Variants in NAA25 observed in about 807,000 individuals in gnomAD.
The protein encoded by NAA25 is N-alpha-acetyltransferase 25, NatB auxiliary subunit, also known as N-terminal acetyltransferase B complex subunit NAA25.
NAA25 carries 30 observed loss-of-function variants against 132.5 expected under a neutral mutation model. That is an observed-to-expected ratio of 0.23 (90% CI 0.17 to 0.31). The LOEUF (loss-of-function observed/expected upper bound fraction) is 0.31, where lower values mean the gene tolerates loss of function less well. NAA25 is among the 10% of genes least tolerant of loss of function. NAA25 has a pLI of 1.00. For synonymous variants in NAA25, 359 were observed against 401.9 expected (o/e 0.89, Z 1.28); for missense variants, 771 against 1,150.4 (o/e 0.67, Z 4.77).
chr12:112,090,070 A>C (rs2079109608), intron 3 of NAA25, among the ~76,000 whole-genome samples: 1 of 151,872 alleles, frequency 6.6e-6, no homozygotes, highest in African/African-American at 2.4e-5. Flanking sequence ...ACCTCAAATG[A>C]TCTGCCAGCC....
At position 112,093,119 on chromosome 12, in the gene NAA25, T is replaced by C. The variant is rs2079160575; in HGVS notation, c.76A>G (p.Asn26Asp). ...RPIYDYLDNG[N>D]NKMAIQQADK... ...GCTTGCTGAATTGCCATTTTATTATTACCATTGTCAAGATAATCTATGAAA... is the reference window on the plus strand; with the variant it reads ...GCTTGCTGAATTGCCATTTTATTATCACCATTGTCAAGATAATCTATGAAA... Residue 26 changes from asparagine to aspartate, a missense_variant, in exon 2 of 24, where the codon AAT (asparagine) becomes GAT (aspartate). Physicochemically the swap from Asn to Asp is conservative, Grantham distance 23. Coordinates refer to ENST00000261745, the MANE Select transcript of NAA25 (RefSeq NM_024953.4). The C allele has an allele frequency of 6.2e-7, 1 of 1,605,290 alleles. No individual in the cohort carries two copies. The highest frequency in any genetic ancestry group is 1.1e-5 in the South Asian group (1 of 90,722).
At chr12:112,040,733 C>T (rs918870693) in intron 20 of NAA25, among the ~76,000 whole-genome samples, 155 bp from the exon 21 acceptor site, 1 of 152,150 alleles carries the variant, frequency 6.6e-6, no homozygotes. Context: ...AAAGGATAGA[C>T]TATCCATTGT....
chr12:112,032,965 G>C (rs1424321847), intron 23 of NAA25, among the ~76,000 whole-genome samples: 3 of 152,154 alleles, frequency 2.0e-5, no homozygotes, highest in Non-Finnish European at 4.4e-5. Context: ...GTTCCATGTT[G>C]CTCAAAATGC....
At chr12:112,036,732 C>T (rs1156622437) in intron 22 of NAA25, among the ~76,000 whole-genome samples, 2 of 151,884 alleles carry the variant, frequency 1.3e-5, no homozygotes, top group Non-Finnish European at 2.9e-5. Flanking sequence ...CCTGTAATCC[C>T]ACCTACTCAG....
intron 8 of NAA25, among the ~76,000 whole-genome samples, chr12:112,075,169 A>G (rs1457915322): frequency 6.6e-5 from 10 of 151,184 alleles, no homozygotes; most frequent in African/African-American, 2.2e-4. Context: ...ACTAGAATTC[A>G]GCACCATGGT....
Position 112,060,359 on chromosome 12 carries a change from C to T in NAA25, c.1358G>A (p.Gly453Glu). ...MLRYQHGLEF[G>E]KTCLKTELQF... is the part of the protein sequence containing the mutation. ...CAATTCTGTTTTCAAACAGGTTTTC[C>T]CTATGGGGGAAAAAAATCATATCTA... The change falls in exon 13 of 24, where the codon GGG becomes GAG. Residue 453 changes from glycine (G) to glutamate (E), a missense_variant and splice_region_variant. Physicochemically the swap from Gly to Glu is moderately conservative, Grantham distance 98. Around this residue, in one of 3 missense-constraint regions of NAA25, gnomAD observed 417 missense variants for 733.8 expected, o/e 0.57. Transcript: ENST00000261745. 1 of 1,599,828 alleles carries T rather than the reference C, an allele frequency of 6.3e-7. No individual in the cohort carries two copies. The highest frequency in any genetic ancestry group is 1.1e-5 in the South Asian group (1 of 90,550).
chr12:112,069,347 T>G (rs1360517215), intron 10 of NAA25: 2 of 213,034 alleles, frequency 9.4e-6, no homozygotes, highest in African/African-American at 4.7e-5. Context: ...CTACTAAAAG[T>G]ACAAAAATTA....
intron 16 of NAA25, 150 bp from the exon 17 acceptor site, chr12:112,047,940 G>C (rs891639096): frequency 1.2e-6 from 1 of 818,444 alleles, no homozygotes; most frequent in Non-Finnish European, 1.8e-6. Flanking sequence ...AGATCAAACT[G>C]GCTTGCTACA....
chr12:112,090,122 C>T (rs562909679), intron 3 of NAA25, among the ~76,000 whole-genome samples: 1 of 152,090 alleles, frequency 6.6e-6, no homozygotes, highest in East Asian at 2.0e-4. Flanking sequence ...TTAGCCACTA[C>T]GCCTGGCAAC....
At chr12:112,086,102 A>ACACACACACACAC (rs796241170) in intron 4 of NAA25, among the ~76,000 whole-genome samples, 1 of 120,798 alleles carries the variant, frequency 8.3e-6, no homozygotes, top group East Asian at 3.0e-4. Flanking sequence ...ACACACACAC[A>ACACACACACACAC]CCCATAACCA....
chr12:112,081,517 A>G (rs191911797), intron 4 of NAA25, among the ~76,000 whole-genome samples: 86 of 152,340 alleles, frequency 5.6e-4, no homozygotes, highest in Non-Finnish European at 1.0e-3. Context: ...TGCCCAGAGA[A>G]TATACTTAAA....
rs537159714 is a variant in NAA25, at chr12:112,030,433, T to C, written c.2797-780A>G. 2.2e-3 allele frequency among the ~76,000 whole-genome samples: 338 copies of C among 152,272 alleles called. 2 individuals carry two copies. The Middle Eastern group carries it at 0.037, about 17-fold the overall frequency. On this transcript the variant is annotated intron_variant, in intron 23 of 23. Coordinates refer to ENST00000261745, the MANE Select transcript of NAA25 (RefSeq NM_024953.4). ...TGTACATCATCATAGCCACTTTTAA[T>C]AATGGCCTCAACTTTACCAACTCCA...
chr12:112,041,982 G>A (rs369877319), intron 20 of NAA25, 57 bp downstream of exon 20: 41 of 1,057,110 alleles, frequency 3.9e-5, no homozygotes, highest in East Asian at 5.7e-5. Context: ...AAAGAACTTC[G>A]AAGCTATTGC....
At position 112,039,260 on chromosome 12, in the gene NAA25, T is replaced by A. The variant is rs781100397; in HGVS notation, c.2618A>T (p.Lys873Ile). Residue 873 changes from lysine (K) to isoleucine (I), a missense_variant, in exon 22 of 24, where the codon AAA becomes ATA. Lys to Ile is a moderately radical substitution (Grantham distance 102). Around this residue, in one of 3 missense-constraint regions of NAA25, gnomAD observed 324 missense variants for 400.0 expected, o/e 0.81. Transcript: ENST00000261745. ...RPYKLNLQKK[K>I]KKKKETSIIM... ...GATGCTGGTTTCTTTTTTCTTCTTT[T>A]TCTTTTTCTGTAAATTTAGTTTGTA... 6.2e-7 allele frequency: 1 copy of A among 1,605,896 alleles called. No individual in the cohort carries two copies. Among genetic ancestry groups the A allele is most frequent in the Non-Finnish European group, 8.5e-7 (1 of 1,176,280 alleles).
chr12:112,074,893 C>A, intron 8 of NAA25, 129 bp from the exon 9 acceptor site: 2 of 551,660 alleles, frequency 3.6e-6, no homozygotes, highest in South Asian at 3.0e-5. Flanking sequence ...TACCCCCACC[C>A]ACTCCATGTT....
rs751673892 is a variant in NAA25, at chr12:112,071,915, C to A, written c.1016G>T (p.Cys339Phe). The A allele has an allele frequency of 1.2e-5, 20 of 1,613,090 alleles. No individual in the cohort carries two copies. The highest frequency in any genetic ancestry group is 1.7e-5 in the Non-Finnish European group (20 of 1,179,752). The change falls in exon 10 of 24, where the codon TGT becomes TTT. Residue 339 changes from cysteine to phenylalanine, a missense_variant. This residue lies in a region of NAA25 where 417 missense variants were observed against 733.8 expected (regional missense o/e 0.57). Coordinates refer to ENST00000261745, the MANE Select transcript of NAA25 (RefSeq NM_024953.4). ...CTTACCCAGTTTGTACTCATCGTTA[C>A]AACCTTGACTTCGTAAACGCCTAAT... is the stretch of plus-strand genomic sequence containing the variant. Reference protein sequence around the residue: ...ELIRRLRSQGCNDEYKLGDPE... With the variant: ...ELIRRLRSQGFNDEYKLGDPE...
At chr12:112,057,676 G>GAA (rs1350493209) in intron 13 of NAA25, among the ~76,000 whole-genome samples, 1 of 152,122 alleles carries the variant, frequency 6.6e-6, no homozygotes, top group Non-Finnish European at 1.5e-5. Context: ...CTAACATGGT[G>GAA]AAACCCCATC....
intron 12 of NAA25, 129 bp downstream of exon 12, chr12:112,061,052 T>C (rs2078621692): frequency 1.3e-5 from 9 of 678,652 alleles, no homozygotes; most frequent in Non-Finnish European, 2.3e-5. Flanking sequence ...ATTACTTAGA[T>C]GGTCTTCCCA....
At chr12:112,090,988 C>T (rs1218661184) in intron 2 of NAA25, 124 bp from the exon 3 acceptor site, 3 of 895,964 alleles carry the variant, frequency 3.3e-6, no homozygotes, top group Non-Finnish European at 5.0e-6. Flanking sequence ...TAGTTTCAGG[C>T]TGGGTGCGGC....
Sources: allele counts gnomAD v4.1 joint callset (sites outside exome capture counted in the v4.1 genomes callset), GRCh38; gene constraint gnomAD v4.1.1; regional missense constraint gnomAD v4.1.1; transcripts MANE v1.5; gene names NCBI Gene and HGNC (gene_info 2026-07-23, HGNC 2026-07-21).